Variants in PTPRO observed in about 807,000 individuals in gnomAD.
PTPRO encodes protein tyrosine phosphatase receptor type O, also known as receptor-type tyrosine-protein phosphatase O.
In PTPRO, 62 loss-of-function variants were observed where a neutral mutation model predicts 145.2. The observed-to-expected ratio is 0.43, with a 90% CI of 0.35 to 0.53. The LOEUF (loss-of-function observed/expected upper bound fraction) is 0.53, where lower values mean the gene tolerates loss of function less well. Among genes scored for constraint, PTPRO ranks in the 20% least tolerant of loss-of-function variants. PTPRO has a pLI of 0.01. For synonymous variants in PTPRO, 565 were observed against 514.7 expected, an observed-to-expected ratio of 1.10 and a Z score of -1.32; for missense variants, 1,345 against 1,482.7, an observed-to-expected ratio of 0.91 and a Z score of 1.53.
intron 1 of PTPRO, among the ~76,000 whole-genome samples, chr12:15,395,594 T>A (rs923323759): frequency 2.6e-5 from 4 of 152,234 alleles, no homozygotes; most frequent in Admixed American, 2.6e-4. Context: ...ATGTCCTATA[T>A]CTTAATTTTA....
intron 19 of PTPRO, among the ~76,000 whole-genome samples, chr12:15,574,579 G>A (rs1230936741): frequency 6.6e-6 from 1 of 152,176 alleles, no homozygotes; most frequent in Non-Finnish European, 1.5e-5. Context: ...ACTTGCTATA[G>A]ATGGAACCTC....
At chr12:15,569,855 T>C (rs940742806) in intron 19 of PTPRO, among the ~76,000 whole-genome samples, 4 of 152,202 alleles carry the variant, frequency 2.6e-5, no homozygotes, top group Admixed American at 2.0e-4. Flanking sequence ...GGATTTGTAG[T>C]GTTTCTCATG....
At chr12:15,495,978 T>C (rs898184661) in intron 2 of PTPRO, among the ~76,000 whole-genome samples, 4 of 152,110 alleles carry the variant, frequency 2.6e-5, no homozygotes, top group Admixed American at 2.6e-4. Context: ...CCTGACATCA[T>C]TTAATTCCCT....
chr12:15,439,948 G>A (rs1287206957), intron 1 of PTPRO: 5 of 683,226 alleles, frequency 7.3e-6, no homozygotes, highest in Non-Finnish European at 1.3e-5. Flanking sequence ...TGGGTGTTAA[G>A]TGCTCCAAGG....
At chr12:15,446,718 C>A (rs1057202642) in intron 1 of PTPRO, among the ~76,000 whole-genome samples, 1 of 150,880 alleles carries the variant, frequency 6.6e-6, no homozygotes, top group African/African-American at 2.4e-5. Flanking sequence ...AATAGAAGTC[C>A]TTTTTTCTTA....
intron 1 of PTPRO, among the ~76,000 whole-genome samples, chr12:15,449,163 A>G (rs906807319): frequency 6.6e-6 from 1 of 152,052 alleles, no homozygotes; most frequent in African/African-American, 2.4e-5. Context: ...AATCAGCAGT[A>G]AGGTACAGAA....
chr12:15,569,736 G>A (rs996674031), intron 19 of PTPRO, among the ~76,000 whole-genome samples: 9 of 152,194 alleles, frequency 5.9e-5, no homozygotes, highest in African/African-American at 1.9e-4. Context: ...ACTGAGGTGA[G>A]CAAACATGGG....
chr12:15,518,806 C>T (rs2136510777), intron 9 of PTPRO, among the ~76,000 whole-genome samples: 1 of 152,322 alleles, frequency 6.6e-6, no homozygotes, highest in Non-Finnish European at 1.5e-5. Flanking sequence ...TCTGAGACCA[C>T]CTCAGCCTAG....
intron 1 of PTPRO, among the ~76,000 whole-genome samples, chr12:15,355,172 C>G (rs144589825): frequency 6.6e-6 from 1 of 152,186 alleles, no homozygotes; most frequent in South Asian, 2.1e-4. Flanking sequence ...TTGCAATGCT[C>G]TTATCTGACA....
chr12:15,571,939 A>G (rs1013231243), intron 19 of PTPRO, among the ~76,000 whole-genome samples: 2 of 152,228 alleles, frequency 1.3e-5, no homozygotes, highest in Non-Finnish European at 2.9e-5. Context: ...TATAAATTTT[A>G]TGTGCTAAAT....
At chr12:15,378,806 T>A (rs1227283105) in intron 1 of PTPRO, among the ~76,000 whole-genome samples, 1 of 152,166 alleles carries the variant, frequency 6.6e-6, no homozygotes, top group Non-Finnish European at 1.5e-5. Context: ...TGAGAAAGAA[T>A]CTGTATCTTG....
In PTPRO at chr12:15,392,740, A is replaced by G. The variant is rs961176617; in HGVS notation, c.75+69939A>G. 8.8e-4 allele frequency among the ~76,000 whole-genome samples: 132 copies of G among 149,418 alleles called. 2 individuals are homozygous for G. The East Asian group carries it at 0.016, about 18-fold the overall frequency. ...TGTCTCAAAAAAAAAAAAAAAAAAA[A>G]AAGAAGAAAAAAGAAGGGGAGCCCT... On this transcript the variant is annotated intron_variant, in intron 1 of 26. Coordinates refer to ENST00000281171, the MANE Select transcript of PTPRO (RefSeq NM_030667.3).
At chr12:15,425,001 G>A (rs1461039) in intron 1 of PTPRO, among the ~76,000 whole-genome samples, 74,094 of 151,896 alleles carry the variant, frequency 0.49, 18,756 homozygotes, top group East Asian at 0.71. Flanking sequence ...GTGTTTTCCC[G>A]ATGGTCAGAG....
chr12:15,444,806 A>T (rs1940860137), intron 1 of PTPRO, among the ~76,000 whole-genome samples: 1 of 152,126 alleles, frequency 6.6e-6, no homozygotes, highest in Non-Finnish European at 1.5e-5. Flanking sequence ...GCTGTGAAAG[A>T]TAAATTTCTG....
At chr12:15,439,922 A>G in intron 1 of PTPRO, 2 of 671,990 alleles carry the variant, frequency 3.0e-6, no homozygotes, top group Non-Finnish European at 5.4e-6. Flanking sequence ...TGGGGACTAC[A>G]ATGGCCACAT....
At chr12:15,377,797 C>A (rs1178748710) in intron 1 of PTPRO, among the ~76,000 whole-genome samples, 1 of 152,028 alleles carries the variant, frequency 6.6e-6, no homozygotes, top group Non-Finnish European at 1.5e-5. Context: ...AAAATATGTT[C>A]TCTGACCACA....
At chr12:15,521,272 A>G (rs891011254) in intron 10 of PTPRO, among the ~76,000 whole-genome samples, 1 of 152,140 alleles carries the variant, frequency 6.6e-6, no homozygotes, top group Non-Finnish European at 1.5e-5. Context: ...GAATTCTTAC[A>G]CAATTAACTT....
At chr12:15,543,695 T>A (rs747572439) in intron 12 of PTPRO, among the ~76,000 whole-genome samples, 1 of 152,198 alleles carries the variant, frequency 6.6e-6, no homozygotes, top group African/African-American at 2.4e-5. Context: ...TCTACTAGAA[T>A]CAGGCCTTCA....
At chr12:15,371,822 A>G (rs533999268) in intron 1 of PTPRO, among the ~76,000 whole-genome samples, 1 of 152,096 alleles carries the variant, frequency 6.6e-6, no homozygotes, top group East Asian at 1.9e-4. Context: ...TTCTCATGAA[A>G]TCTGATGGTT....
Sources: gnomAD v4.1 joint callset for allele counts (sites outside exome capture counted in the v4.1 genomes callset) on GRCh38, gnomAD v4.1.1 for gene constraint, MANE v1.5 for transcripts, NCBI Gene and HGNC (gene_info 2026-07-23, HGNC 2026-07-21) for gene names.